BTBD8: variants seen among roughly 807,000 people sequenced by gnomAD.
BTBD8 encodes the protein BTB domain containing 8.
A neutral mutation model predicts 162.9 loss-of-function variants in BTBD8; 110 were observed. The observed-to-expected ratio is 0.68, with a 90% CI of 0.58 to 0.79. The LOEUF (loss-of-function observed/expected upper bound fraction) is 0.79, where lower values mean the gene tolerates loss of function less well. Ranked by LOEUF, BTBD8 falls within the 30% of genes least tolerant of loss-of-function variation. BTBD8 has a pLI of 0.00. For missense variants in BTBD8, 1,905 were observed against 2,085.4 expected (o/e 0.91, Z 1.68); for synonymous variants, 667 against 716.1 (o/e 0.93, Z 1.10).
Position 92,108,404 on chromosome 1 carries a change from T to C in BTBD8, c.662+403T>C, listed in dbSNP as rs575357384. ...GCAGTTTTTAATTTTATAGGCATTA[T>C]AGTATTGAGAAGTATTATTTCTACA... On this transcript the variant is annotated intron_variant, in intron 4 of 17. Coordinates refer to ENST00000636805, the MANE Select transcript of BTBD8 (RefSeq NM_001376131.1). Among the ~76,000 whole-genome samples, 106 of 152,382 alleles carry C rather than the reference T, an allele frequency of 7.0e-4. 1 individual carries two copies. The highest frequency in any genetic ancestry group is 1.2e-3 in the Non-Finnish European group (79 of 68,040).
chr1:92,182,592 G>T lies in BTBD8; in HGVS notation c.4909G>T (p.Ala1637Ser), dbSNP rs961233511. The T allele has an allele frequency of 3.4e-6, 5 of 1,473,640 alleles. No homozygotes were observed. The African/African-American group carries it at 7.2e-5, about 21-fold the overall frequency. The allele number at this position is 1,473,640 out of a possible 1,614,324, so 91.3% of individuals were successfully genotyped here. A position where few individuals can be genotyped will look rare whatever the true frequency, so the allele number is the denominator to read the frequency against. Residue 1637 changes from alanine to serine, a missense_variant, in exon 17 of 18, where the codon GCA (alanine) becomes TCA (serine). Transcript: ENST00000636805. ...TTEKANIALS[A>S]GDIDDCDTLA... ...TGAAAAAGCTAATATTGCTTTATCT[G>T]CAGGTAATGTACAGAAATAGAAATG... is the stretch of plus-strand genomic sequence containing the variant.
chr1:92,163,996 A>G (rs1222623296), intron 9 of BTBD8, among the ~76,000 whole-genome samples: 3 of 152,236 alleles, frequency 2.0e-5, no homozygotes, highest in Non-Finnish European at 4.4e-5. Context: ...TAAATACCTT[A>G]CATTTGGCTT....
intron 1 of BTBD8, among the ~76,000 whole-genome samples, chr1:92,086,859 C>G (rs1197385216): frequency 1.3e-5 from 2 of 152,162 alleles, no homozygotes; most frequent in Admixed American, 6.5e-5. Flanking sequence ...TTCCCTGCCT[C>G]TGGAACTGTG....
At chr1:92,167,200 TG>T (rs1650406599) in intron 10 of BTBD8, 60 bp downstream of exon 10, 1 of 1,519,108 alleles carries the variant, frequency 6.6e-7, no homozygotes, top group Non-Finnish European at 8.8e-7. Context: ...ATTTCAATTA[TG>T]TAAGAGCTTT....
At chr1:92,126,263 T>C in intron 4 of BTBD8, 1 of 594,012 alleles carries the variant, frequency 1.7e-6, no homozygotes, top group Non-Finnish European at 3.3e-6. Flanking sequence ...AAGAGTTTGT[T>C]GAAGTGGGAA....
intron 2 of BTBD8, among the ~76,000 whole-genome samples, chr1:92,095,311 T>G (rs1250205285): frequency 6.6e-6 from 1 of 152,222 alleles, no homozygotes; most frequent in Admixed American, 6.5e-5. Context: ...GTTGCTTACC[T>G]TGCCTTGCTT....
At position 92,092,551 on chromosome 1, in the gene BTBD8, C is replaced by T. The variant is rs749192179; in HGVS notation, c.347+3656C>T. ...TGGCACTTCATCTTGGTCTTCTAGC[C>T]TCCGAAAACTGAGAAATACATTTCT... is the stretch of plus-strand genomic sequence containing the variant. On this transcript the variant is annotated intron_variant, in intron 2 of 17. Coordinates refer to ENST00000636805, the MANE Select transcript of BTBD8 (RefSeq NM_001376131.1). 1.4e-4 allele frequency among the ~76,000 whole-genome samples: 21 copies of T among 152,154 alleles called. 1 individual carries two copies. Among genetic ancestry groups the T allele is most frequent in the Non-Finnish European group, 2.8e-4 (19 of 68,036 alleles).
intron 12 of BTBD8, among the ~76,000 whole-genome samples, chr1:92,170,727 C>CT (rs1650514134): frequency 6.6e-6 from 1 of 152,010 alleles, no homozygotes; most frequent in African/African-American, 2.4e-5. Context: ...ATTTGTAGCT[C>CT]TCATATAATT....
At chr1:92,168,632 T>A (rs549319809) in intron 11 of BTBD8, among the ~76,000 whole-genome samples, 1 of 152,336 alleles carries the variant, frequency 6.6e-6, no homozygotes, top group South Asian at 2.1e-4. Flanking sequence ...ATCAAGGGCA[T>A]TGGTGTTTTA....
chr1:92,108,163 C>A (rs989283711), intron 4 of BTBD8, among the ~76,000 whole-genome samples, 162 bp downstream of exon 4: 2 of 152,152 alleles, frequency 1.3e-5, no homozygotes, highest in Non-Finnish European at 2.9e-5. Flanking sequence ...CAGGGGGAGT[C>A]CAACAGGGGA....
At chr1:92,170,015 T>C (rs531300020) in intron 12 of BTBD8, among the ~76,000 whole-genome samples, 41 of 152,278 alleles carry the variant, frequency 2.7e-4, no homozygotes, top group Admixed American at 5.2e-4. Flanking sequence ...ATTTATGTAA[T>C]GTAAAGTAAC....
chr1:92,178,856 T>C (rs1650800357), intron 16 of BTBD8, among the ~76,000 whole-genome samples: 1 of 152,222 alleles, frequency 6.6e-6, no homozygotes, highest in South Asian at 2.1e-4. Flanking sequence ...TCTGCATTTC[T>C]GGTCCTTTTA....
chr1:92,111,148 C>T (rs567764271), intron 4 of BTBD8, among the ~76,000 whole-genome samples: 6 of 151,836 alleles, frequency 4.0e-5, no homozygotes, highest in Non-Finnish European at 8.8e-5. Flanking sequence ...CACACCACCA[C>T]GCTTGGCTCA....
At chr1:92,126,529 T>C in intron 4 of BTBD8, 1 of 538,440 alleles carries the variant, frequency 1.9e-6, no homozygotes, top group South Asian at 1.5e-5. Context: ...CAGACCGCTT[T>C]ATTTTCGCTA....
intron 9 of BTBD8, among the ~76,000 whole-genome samples, chr1:92,160,719 ACT>A (rs1448264738): frequency 6.6e-6 from 1 of 151,724 alleles, no homozygotes; most frequent in East Asian, 2.0e-4. Flanking sequence ...CCAGCTCTTC[ACT>A]CTCTACTGAG....
At chr1:92,126,586 A>T (rs188468019) in intron 4 of BTBD8, 1 of 396,618 alleles carries the variant, frequency 2.5e-6, no homozygotes, top group East Asian at 6.2e-5. Context: ...TTGTCTGTTT[A>T]TATATTAAAA....
intron 9 of BTBD8, among the ~76,000 whole-genome samples, chr1:92,154,338 TA>T (rs1442632985): frequency 1.3e-5 from 2 of 152,232 alleles, no homozygotes; most frequent in African/African-American, 2.4e-5. Context: ...GTTCTATTTT[TA>T]ATTTTTTGAG....
chr1:92,177,866 T>G lies in BTBD8; in HGVS notation c.2409T>G (p.Ser803Arg). Residue 803 changes from serine to arginine, a missense_variant, in exon 15 of 18, where the codon AGT (serine) becomes AGG (arginine). By Grantham distance (110) the Ser-to-Arg change is moderately radical. Around this residue, in one of 3 missense-constraint regions of BTBD8, gnomAD observed 1,374 missense variants for 1,442.7 expected, o/e 0.95. Coordinates refer to ENST00000636805, the MANE Select transcript of BTBD8 (RefSeq NM_001376131.1). ...CCAATGGAACTTCCAATAAAAAAAGTATTCATGAACAAGACACTAATGTAA... is the reference window on the plus strand; with the variant it reads ...CCAATGGAACTTCCAATAAAAAAAGGATTCATGAACAAGACACTAATGTAA... ...RVTNGTSNKK[S>R]IHEQDTNVNN... 1 of 1,540,616 alleles carries G rather than the reference T, an allele frequency of 6.5e-7. No homozygotes were observed. Among genetic ancestry groups the G allele is most frequent in the Non-Finnish European group, 8.8e-7 (1 of 1,137,380 alleles).
chr1:92,155,567 G>A (rs1045226838), intron 9 of BTBD8, among the ~76,000 whole-genome samples: 10 of 152,136 alleles, frequency 6.6e-5, no homozygotes, highest in East Asian at 1.9e-4. Context: ...AGCCTCCCAA[G>A]TAGCTGGGAT....
Sources: gnomAD v4.1 joint callset for allele counts (sites outside exome capture counted in the v4.1 genomes callset) on GRCh38, gnomAD v4.1.1 for gene constraint, gnomAD v4.1.1 regional missense constraint, MANE v1.5 for transcripts, NCBI Gene and HGNC (gene_info 2026-07-23, HGNC 2026-07-21) for gene names.